Variants in SERINC5 observed in about 807,000 individuals in gnomAD.
SERINC5 encodes the protein chromosome 5 open reading frame 12.
A neutral mutation model predicts 63.1 loss-of-function variants in SERINC5; 41 were observed. That is an observed-to-expected ratio of 0.65 (90% CI 0.51 to 0.84). The LOEUF is 0.84. Among genes scored for constraint, SERINC5 ranks in the 40% least tolerant of loss-of-function variants. SERINC5 has a pLI of 0.00. For missense variants in SERINC5, 523 were observed against 573.0 expected (o/e 0.91, Z 0.89); for synonymous variants, 222 against 215.2 (o/e 1.03, Z -0.28).
intron 11 of SERINC5, among the ~76,000 whole-genome samples, chr5:80,121,472 G>A (rs1485897494): frequency 6.6e-6 from 1 of 152,026 alleles, no homozygotes; most frequent in East Asian, 1.9e-4. Flanking sequence ...AAGGCGTGAG[G>A]CATCCACCCC....
chr5:80,217,452 T>C (rs1379951452), intron 1 of SERINC5, among the ~76,000 whole-genome samples: 1 of 152,140 alleles, frequency 6.6e-6, no homozygotes, highest in Non-Finnish European at 1.5e-5. Flanking sequence ...TAGATGCCCG[T>C]ATGCTCGGGG....
chr5:80,253,692 C>T (rs991516677), intron 1 of SERINC5, among the ~76,000 whole-genome samples: 6 of 152,210 alleles, frequency 3.9e-5, no homozygotes, highest in Admixed American at 6.5e-5. Flanking sequence ...TCTCAGACTC[C>T]CTCGGCAACC....
chr5:80,115,590 C>A (rs1474813140), intron 11 of SERINC5, among the ~76,000 whole-genome samples: 1 of 151,904 alleles, frequency 6.6e-6, no homozygotes, highest in African/African-American at 2.4e-5. Flanking sequence ...TAGAATTTGA[C>A]AAATAGCAGG....
intron 11 of SERINC5, chr5:80,113,638 C>A: frequency 3.6e-6 from 1 of 279,754 alleles, no homozygotes; most frequent in Non-Finnish European, 7.4e-6. Context: ...TACATGGCAG[C>A]AGCAAGAGAA....
At chr5:80,146,046 T>C in intron 11 of SERINC5, 44 bp downstream of exon 11, 2 of 1,607,808 alleles carry the variant, frequency 1.2e-6, no homozygotes, top group Non-Finnish European at 1.7e-6. Flanking sequence ...ACTCTTAACT[T>C]TAAGGCTTTG....
At chr5:80,224,945 GTTTTTTTTTTTTTT>G (rs1422593082) in intron 1 of SERINC5, among the ~76,000 whole-genome samples, 5 of 132,598 alleles carry the variant, frequency 3.8e-5, no homozygotes, top group Non-Finnish European at 8.4e-5. Flanking sequence ...GTTTTTTTTT[GTTTTTTTTTTTTTT>G]AGACAAGTTT....
At chr5:80,121,123 G>A (rs1414006566) in intron 11 of SERINC5, among the ~76,000 whole-genome samples, 1 of 152,160 alleles carries the variant, frequency 6.6e-6, no homozygotes, top group East Asian at 1.9e-4. Context: ...CCAACCTCAG[G>A]TGATCCGCCC....
chr5:80,243,785 AAAAC>A (rs1186596472), intron 1 of SERINC5, among the ~76,000 whole-genome samples: 1 of 148,422 alleles, frequency 6.7e-6, no homozygotes, highest in Non-Finnish European at 1.5e-5. Context: ...ATAAATAAAT[AAAAC>A]AAAATAAAAT....
intron 1 of SERINC5, among the ~76,000 whole-genome samples, chr5:80,240,069 A>G (rs898433640): frequency 6.6e-6 from 1 of 152,204 alleles, no homozygotes; most frequent in African/African-American, 2.4e-5. Flanking sequence ...AATTGCTCCA[A>G]CAGGATGGAT....
intron 1 of SERINC5, 169 bp from the exon 2 acceptor site, chr5:80,203,222 C>G (rs1199568183): frequency 1.6e-6 from 1 of 614,152 alleles, no homozygotes; most frequent in Non-Finnish European, 3.0e-6. Flanking sequence ...CTGGTCAACA[C>G]AGCAAGAACC....
At chr5:80,205,979 A>C (rs1330580250) in intron 1 of SERINC5, among the ~76,000 whole-genome samples, 1 of 149,458 alleles carries the variant, frequency 6.7e-6, no homozygotes, top group Non-Finnish European at 1.5e-5. Context: ...GGTGCACAAA[A>C]AAAAAAAAAA....
intron 11 of SERINC5, among the ~76,000 whole-genome samples, chr5:80,128,065 CTCTT>C (rs899183721): frequency 1.3e-5 from 2 of 152,154 alleles, no homozygotes; most frequent in Non-Finnish European, 1.5e-5. Context: ...ATGAATCAGT[CTCTT>C]TACTTACCTT....
In SERINC5 at chr5:80,141,855, G is replaced by GGAGT; in HGVS notation, c.*1804_*1807dup. On this transcript the variant is annotated 3_prime_UTR_variant, in exon 12 of 12. Coordinates refer to ENST00000507668, the MANE Select transcript of SERINC5 (RefSeq NM_001174072.3). ...GGCTCTCTAAACCACACACACAGATGGAGTGCCTTTTGAAACTGAATCTCA... is the reference window on the plus strand; with the variant it reads ...GGCTCTCTAAACCACACACACAGATGGAGTGAGTGCCTTTTGAAACTGAATCTCA... 1.0e-6 allele frequency: 1 copy of GGAGT among 985,290 alleles called. No individual in the cohort carries two copies. The highest frequency in any genetic ancestry group is 1.2e-6 in the Non-Finnish European group (1 of 829,824). The allele number at this position is 985,290 out of a possible 1,614,324, so 61.0% of individuals were successfully genotyped here.
At chr5:80,251,803 T>C (rs996806329) in intron 1 of SERINC5, among the ~76,000 whole-genome samples, 30 of 93,722 alleles carry the variant, frequency 3.2e-4, no homozygotes, top group Non-Finnish European at 5.9e-4. Flanking sequence ...CCTGGTGCAA[T>C]AGTCTTGGCT....
At chr5:80,157,542 A>G (rs1348442877) in intron 8 of SERINC5, 1 of 618 alleles carries the variant, frequency 1.6e-3, no homozygotes, top group African/African-American at 6.3e-3. Context: ...TTTTTCGTAG[A>G]AACAGGGTCT....
intron 1 of SERINC5, among the ~76,000 whole-genome samples, chr5:80,242,757 T>A (rs1580214510): frequency 6.6e-6 from 1 of 151,846 alleles, no homozygotes; most frequent in South Asian, 2.1e-4. Context: ...CTAAAAAAAA[T>A]ATATAACATA....
chr5:80,121,100 T>G (rs1390321687), intron 11 of SERINC5, among the ~76,000 whole-genome samples: 5 of 152,184 alleles, frequency 3.3e-5, no homozygotes, highest in Admixed American at 1.3e-4. Flanking sequence ...TTGGTCAGGC[T>G]GGTCCCGAAC....
chr5:80,229,050 T>TGGGGGGGCG (rs1174325559), intron 1 of SERINC5, among the ~76,000 whole-genome samples: 1 of 94,104 alleles, frequency 1.1e-5, no homozygotes, highest in South Asian at 3.3e-4. Context: ...TTTTTTTTTT[T>TGGGGGGGCG]GGGGATGGAG....
intron 11 of SERINC5, among the ~76,000 whole-genome samples, chr5:80,133,695 C>T (rs1745040300): frequency 6.6e-6 from 1 of 152,248 alleles, no homozygotes; most frequent in Non-Finnish European, 1.5e-5. Flanking sequence ...ACTGCCTAGG[C>T]AGACTCAATT....
Sources: allele counts gnomAD v4.1 joint callset (sites outside exome capture counted in the v4.1 genomes callset), GRCh38; gene constraint gnomAD v4.1.1; transcripts MANE v1.5; gene names NCBI Gene and HGNC (gene_info 2026-07-23, HGNC 2026-07-21).